SORCS3: variants seen among roughly 807,000 people sequenced by gnomAD.
The protein encoded by SORCS3 is sortilin related VPS10 domain containing receptor 3.
Under a neutral mutation model 146.3 loss-of-function variants are expected in SORCS3, and 57 were observed. The observed-to-expected ratio is 0.39, with a 90% CI of 0.31 to 0.49. The LOEUF (loss-of-function observed/expected upper bound fraction) is 0.49. SORCS3 is among the 20% of genes least tolerant of loss of function. SORCS3 has a pLI of 0.92. For synonymous variants in SORCS3, 653 were observed against 618.5 expected (o/e 1.06, Z -0.83); for missense variants, 1,341 against 1,575.5 (o/e 0.85, Z 2.52).
chr10:105,061,052 A>G (rs1249714254), intron 5 of SORCS3, among the ~76,000 whole-genome samples: 15 of 152,212 alleles, frequency 9.9e-5, no homozygotes. Flanking sequence ...TCTAGAAACT[A>G]GAGTTCTACT....
At chr10:105,215,887 A>G (rs957806576) in intron 18 of SORCS3, among the ~76,000 whole-genome samples, 15 of 150,848 alleles carry the variant, frequency 9.9e-5, no homozygotes, top group African/African-American at 2.7e-4. Flanking sequence ...TCATCTTCAT[A>G]TATGAACAGA....
intron 1 of SORCS3, among the ~76,000 whole-genome samples, chr10:104,751,972 A>ATAATG (rs2016993493): frequency 1.5e-5 from 1 of 66,574 alleles, no homozygotes; most frequent in African/African-American, 3.9e-5. Context: ...TATATATAAT[A>ATAATG]GTTTAGCAGC....
At chr10:104,961,535 T>G (rs1043662627) in intron 3 of SORCS3, among the ~76,000 whole-genome samples, 4 of 152,220 alleles carry the variant, frequency 2.6e-5, no homozygotes, top group South Asian at 4.1e-4. Context: ...TTAGATTTGC[T>G]TTTTAAAATT....
chr10:104,689,229 C>T (rs1305475517), intron 1 of SORCS3, among the ~76,000 whole-genome samples: 1 of 152,232 alleles, frequency 6.6e-6, no homozygotes, highest in Non-Finnish European at 1.5e-5. Flanking sequence ...TGTGTACCTT[C>T]TGTGTCTCTC....
At chr10:105,031,752 T>C (rs1237507808) in intron 4 of SORCS3, among the ~76,000 whole-genome samples, 1 of 152,216 alleles carries the variant, frequency 6.6e-6, no homozygotes. Context: ...TGTCTCATTG[T>C]CCTCCCAACC....
Position 105,158,889 on chromosome 10 carries a change from T to C in SORCS3, c.1630-3T>C, listed in dbSNP as rs774585420. ...AATGAAACTATTTCTTTCTCCATTT[T>C]AGCCCTTCTGTTCCTTACATCTGCA... On this transcript the variant is annotated splice_polypyrimidine_tract_variant and splice_region_variant and intron_variant, in intron 10 of 26. Coordinates refer to ENST00000369701, the MANE Select transcript of SORCS3 (RefSeq NM_014978.3). 2 of 1,607,382 alleles carry C rather than the reference T, an allele frequency of 1.2e-6. No homozygotes were observed. The highest frequency in any genetic ancestry group is 1.3e-5 in the African/African-American group (1 of 74,882).
chr10:104,992,403 C>T (rs754028453), intron 4 of SORCS3, among the ~76,000 whole-genome samples: 14 of 152,258 alleles, frequency 9.2e-5, no homozygotes, highest in African/African-American at 1.9e-4. Flanking sequence ...ATAAGCTAGA[C>T]GTGTTTTGTT....
At chr10:105,089,023 GC>G (rs2055683247) in intron 5 of SORCS3, among the ~76,000 whole-genome samples, 1 of 152,132 alleles carries the variant, frequency 6.6e-6, no homozygotes, top group African/African-American at 2.4e-5. Context: ...GACTTTTTGG[GC>G]CTTACTCTGG....
intron 4 of SORCS3, among the ~76,000 whole-genome samples, chr10:105,015,190 T>G (rs7896193): frequency 0.3 from 45,428 of 152,004 alleles, 7,548 homozygotes; most frequent in African/African-American, 0.45. Context: ...AGTGTAGATT[T>G]GAACAACTAC....
rs369535493 is a variant in SORCS3 at position 105,201,188 on chromosome 10, G to A, written c.2196G>A (p.Leu732=). The change falls in exon 16 of 27, where the codon CTG becomes CTA. Residue 732 remains leucine, a synonymous_variant. Transcript: ENST00000369701. Reference sequence around the variant, plus strand: ...GTAAGCCAGGAGCTCAGTGTGCCCTGGGCCGAGACCACTCAGGATCAGTGG... The same window carrying A: ...GTAAGCCAGGAGCTCAGTGTGCCCTAGGCCGAGACCACTCAGGATCAGTGG... The part of the protein sequence containing the change: ...KKRKPGAQCA[L]GRDHSGSVVS... The A allele has an allele frequency of 1.2e-6, 2 of 1,612,184 alleles. No homozygotes were observed. The highest frequency in any genetic ancestry group is 2.7e-5 in the African/African-American group (2 of 74,874).
intron 1 of SORCS3, among the ~76,000 whole-genome samples, chr10:104,765,287 G>A (rs2017166450): frequency 6.6e-6 from 1 of 152,160 alleles, no homozygotes; most frequent in Admixed American, 6.5e-5. Context: ...GCCCTTATGG[G>A]CCTGACTCCC....
intron 1 of SORCS3, among the ~76,000 whole-genome samples, chr10:104,838,252 CG>C (rs894735686): frequency 1.3e-5 from 2 of 152,098 alleles, no homozygotes; most frequent in African/African-American, 4.8e-5. Flanking sequence ...CCATATCCAC[CG>C]ACTGGGTTTC....
chr10:105,211,292 G>A (rs761386027), intron 17 of SORCS3, 42 bp downstream of exon 17: 12 of 1,400,936 alleles, frequency 8.6e-6, no homozygotes, highest in Middle Eastern at 1.8e-4. Context: ...CTGTTTTCCT[G>A]TTTCTCTAAA....
intron 5 of SORCS3, among the ~76,000 whole-genome samples, chr10:105,069,728 A>G (rs1167556568): frequency 6.6e-6 from 1 of 152,068 alleles, no homozygotes; most frequent in African/African-American, 2.4e-5. Context: ...TCCAGCAGGG[A>G]GCCTTTGAAA....
At chr10:104,914,876 T>C (rs777250774) in intron 2 of SORCS3, among the ~76,000 whole-genome samples, 3 of 152,144 alleles carry the variant, frequency 2.0e-5, no homozygotes, top group Non-Finnish European at 2.9e-5. Context: ...AGAAAATGCA[T>C]TGACCTCTGT....
chr10:105,234,102 A>G (rs1185210487), intron 20 of SORCS3, among the ~76,000 whole-genome samples: 2 of 152,084 alleles, frequency 1.3e-5, no homozygotes, highest in Non-Finnish European at 2.9e-5. Flanking sequence ...GTTTGAGAAA[A>G]CATTCTTTTC....
At chr10:104,794,622 G>GGAGGGA (rs1481811209) in intron 1 of SORCS3, among the ~76,000 whole-genome samples, 25 of 41,398 alleles carry the variant, frequency 6.0e-4, no homozygotes, top group African/African-American at 2.8e-3. Flanking sequence ...AGAGAGGGAG[G>GGAGGGA]GAGAGAGAGA....
chr10:104,887,971 G>GTGTGC (rs1554857309), intron 2 of SORCS3, among the ~76,000 whole-genome samples: 2 of 83,032 alleles, frequency 2.4e-5, no homozygotes, highest in African/African-American at 5.5e-5. Flanking sequence ...GGGGGGCGGG[G>GTGTGC]GCGGAGCAAG....
intron 1 of SORCS3, among the ~76,000 whole-genome samples, chr10:104,840,777 G>A (rs1298467151): frequency 6.6e-6 from 1 of 152,276 alleles, no homozygotes; most frequent in Non-Finnish European, 1.5e-5. Flanking sequence ...TTAGAGGCAT[G>A]TGCCCTGAAG....
Sources: allele counts gnomAD v4.1 joint callset (sites outside exome capture counted in the v4.1 genomes callset), GRCh38; gene constraint gnomAD v4.1.1; transcripts MANE v1.5; gene names NCBI Gene and HGNC (gene_info 2026-07-23, HGNC 2026-07-21).